Variants in SLC35F3 observed in about 807,000 individuals in gnomAD.
The protein encoded by SLC35F3 is putative thiamine transporter SLC35F3.
A neutral mutation model predicts 49.9 loss-of-function variants in SLC35F3; 25 were observed. That is an observed-to-expected ratio of 0.50 (90% CI 0.37 to 0.70). The LOEUF is 0.70. SLC35F3 is among the 30% of genes least tolerant of loss of function. The pLI is 0.00. For missense variants in SLC35F3, 525 were observed against 639.8 expected (o/e 0.82, Z 1.94); for synonymous variants, 275 against 265.4 (o/e 1.04, Z -0.35).
chr1:234,304,042 CTTCTTTCTTTCCTTCCT>C (rs1668734735), intron 3 of SLC35F3, among the ~76,000 whole-genome samples: 1 of 43,950 alleles, frequency 2.3e-5, no homozygotes, highest in African/African-American at 5.6e-5. Flanking sequence ...TCCTTCCTTC[CTTCTTTCTTTCCTTCCT>C]TTCCTTCCTT....
intron 2 of SLC35F3, among the ~76,000 whole-genome samples, chr1:234,132,253 C>A (rs1479989437): frequency 6.6e-6 from 1 of 152,186 alleles, no homozygotes; most frequent in Non-Finnish European, 1.5e-5. Flanking sequence ...CCTGCTTCAA[C>A]ATGATTTGTA....
intron 2 of SLC35F3, among the ~76,000 whole-genome samples, chr1:234,043,532 T>C (rs531371650): frequency 1.3e-5 from 2 of 152,190 alleles, no homozygotes; most frequent in South Asian, 2.1e-4. Flanking sequence ...GATTCTCAGA[T>C]CTGTTTCCAC....
chr1:234,313,207 G>A (rs980545469), intron 4 of SLC35F3, among the ~76,000 whole-genome samples: 2 of 152,050 alleles, frequency 1.3e-5, no homozygotes, highest in South Asian at 4.2e-4. Context: ...TAAGCAGGAG[G>A]AGCCCTAGTC....
chr1:233,909,156 C>G (rs1212186594), intron 2 of SLC35F3, among the ~76,000 whole-genome samples: 1 of 152,166 alleles, frequency 6.6e-6, no homozygotes, highest in Non-Finnish European at 1.5e-5. Context: ...CGCACCCAGC[C>G]TAGGATTCTT....
At chr1:234,001,430 T>C (rs1219071346) in intron 2 of SLC35F3, among the ~76,000 whole-genome samples, 1 of 152,230 alleles carries the variant, frequency 6.6e-6, no homozygotes, top group African/African-American at 2.4e-5. Flanking sequence ...ATTTCCAATA[T>C]TGAATGAATG....
chr1:233,947,341 G>GGA lies in SLC35F3; in HGVS notation c.283+41603_283+41604dup, dbSNP rs148848593. ...ATACTCCCTGAAACAGTAAGAGGGA[G>GGA]GAGAGAGAGAGAGAGAGAGAGGAAG... On this transcript the variant is annotated intron_variant, in intron 2 of 7. Coordinates refer to ENST00000366618, the MANE Select transcript of SLC35F3 (RefSeq NM_173508.4). Among the ~76,000 whole-genome samples the GGA allele has an allele frequency of 5.7e-3, 848 of 149,834 alleles. 4 individuals carry two copies. The highest frequency in any genetic ancestry group is 0.017 in the African/African-American group (715 of 41,036).
intron 3 of SLC35F3, chr1:234,268,475 G>C (rs1026246149): frequency 1.3e-5 from 2 of 151,520 alleles, no homozygotes; most frequent in African/African-American, 4.9e-5. Flanking sequence ...GAGAGGGAGA[G>C]GGAGGGGGAG....
rs943195025 is a variant in SLC35F3, at chr1:234,214,170, G to A, written c.284-17247G>A. 22 of 1,084,320 alleles carry A rather than the reference G, an allele frequency of 2.0e-5. No homozygotes were observed. The African/African-American group carries it at 3.3e-4, about 16-fold the overall frequency. 67.2% of individuals were successfully genotyped at this position (1,084,320 alleles called of 1,614,324 possible). A position where few individuals can be genotyped will look rare whatever the true frequency, so the allele number is the denominator to read the frequency against. ...TGGGCGTCCCGGGGAGGAGGGCGGAGCAGGTGAGCTGCGGGGTGGGAGCAG... is the reference window on the plus strand; with the variant it reads ...TGGGCGTCCCGGGGAGGAGGGCGGAACAGGTGAGCTGCGGGGTGGGAGCAG... On this transcript the variant is annotated intron_variant, in intron 2 of 7. Coordinates refer to ENST00000366618, the MANE Select transcript of SLC35F3 (RefSeq NM_173508.4). This position sits in a 1 kb window ranked among gnomAD's most constrained non-coding sequence, Gnocchi z 8.0.
At chr1:233,998,361 T>C (rs1434552356) in intron 2 of SLC35F3, among the ~76,000 whole-genome samples, 1 of 152,006 alleles carries the variant, frequency 6.6e-6, no homozygotes, top group Non-Finnish European at 1.5e-5. Context: ...CTTCTTCCTC[T>C]ACGTAGCTAT....
intron 2 of SLC35F3, among the ~76,000 whole-genome samples, chr1:233,955,140 G>A (rs1481395997): frequency 2.0e-5 from 3 of 152,100 alleles, no homozygotes; most frequent in Non-Finnish European, 4.4e-5. Flanking sequence ...CACCGCACCA[G>A]GCCAGTCTTC....
chr1:234,240,693 AAAT>A (rs1182338667), intron 3 of SLC35F3, among the ~76,000 whole-genome samples: 1 of 152,208 alleles, frequency 6.6e-6, no homozygotes, highest in Admixed American at 6.5e-5. Flanking sequence ...TGAGGTCATA[AAAT>A]AATAATGATG....
chr1:233,927,703 T>G (rs1377808650), intron 2 of SLC35F3, among the ~76,000 whole-genome samples: 1 of 152,146 alleles, frequency 6.6e-6, no homozygotes, highest in Non-Finnish European at 1.5e-5. Context: ...TCCATTCTTA[T>G]ACTTAATTTT....
intron 2 of SLC35F3, among the ~76,000 whole-genome samples, chr1:234,117,851 A>G (rs973351597): frequency 4.0e-5 from 6 of 150,240 alleles, no homozygotes; most frequent in African/African-American, 1.5e-4. Context: ...GTGCCACTGC[A>G]CTCCAGCCTG....
chr1:234,183,974 T>C (rs1666597251), intron 2 of SLC35F3, among the ~76,000 whole-genome samples: 1 of 117,518 alleles, frequency 8.5e-6, no homozygotes, highest in African/African-American at 2.6e-5. Context: ...CTCATTGAGA[T>C]CTTAAGAGAC....
At chr1:234,187,888 T>G (rs1666669216) in intron 2 of SLC35F3, among the ~76,000 whole-genome samples, 1 of 152,108 alleles carries the variant, frequency 6.6e-6, no homozygotes, top group Admixed American at 6.5e-5. Flanking sequence ...AACCAGAGTT[T>G]CCTAGCCAGA....
intron 2 of SLC35F3, among the ~76,000 whole-genome samples, chr1:233,981,562 T>C (rs1387758307): frequency 1.3e-5 from 2 of 152,172 alleles, no homozygotes; most frequent in Non-Finnish European, 2.9e-5. Flanking sequence ...GTCTACGCAT[T>C]GAAGAACATC....
At chr1:234,249,353 A>G (rs956616096) in intron 3 of SLC35F3, among the ~76,000 whole-genome samples, 3 of 152,212 alleles carry the variant, frequency 2.0e-5, no homozygotes, top group African/African-American at 7.2e-5. Context: ...CTAGTGAGAA[A>G]GAGGAATTCT....
chr1:234,141,493 C>T (rs919841844), intron 2 of SLC35F3, among the ~76,000 whole-genome samples: 1 of 152,208 alleles, frequency 6.6e-6, no homozygotes, highest in African/African-American at 2.4e-5. Flanking sequence ...GACATCACCA[C>T]AATCAAGGTA....
rs113914472 is a variant in SLC35F3 at position 233,932,760 on chromosome 1, C to T, written c.283+27002C>T. 6.7e-3 allele frequency among the ~76,000 whole-genome samples: 1,021 copies of T among 152,224 alleles called. 3 individuals are homozygous for T. Among genetic ancestry groups the T allele is most frequent in the Non-Finnish European group, 0.011 (730 of 68,002 alleles). On this transcript the variant is annotated intron_variant, in intron 2 of 7. Coordinates refer to ENST00000366618, the MANE Select transcript of SLC35F3 (RefSeq NM_173508.4). The stretch of plus-strand genomic sequence containing the variant: ...ACCTAGGACCTATGGAAATCAGAAC[C>T]GGAAAATGAGAACTCTGCTTCCTTT...
Sources: gnomAD v4.1 joint callset for allele counts (sites outside exome capture counted in the v4.1 genomes callset) on GRCh38, gnomAD v4.1.1 for gene constraint, Gnocchi (gnomAD v3.1) non-coding constraint, MANE v1.5 for transcripts, NCBI Gene and HGNC (gene_info 2026-07-23, HGNC 2026-07-21) for gene names.